The following TMEM43 variants were observed in gnomAD, a reference collection of about 807,000 sequenced individuals.
TMEM43 encodes the protein transmembrane protein 43.
Under a neutral mutation model 49.6 loss-of-function variants are expected in TMEM43, and 45 were observed. The ratio of observed to expected loss-of-function variants is 0.91; its 90% CI spans 0.71 to 1.16. The LOEUF is 1.16. TMEM43 is among the 50% of genes most tolerant of loss of function. TMEM43 has a pLI of 0.00. For missense variants in TMEM43, 532 were observed against 516.6 expected (o/e 1.03, Z -0.29); for synonymous variants, 199 against 207.8 (o/e 0.96, Z 0.36).
chr3:14,134,618 G>T, intron 7 of TMEM43, 152 bp from the exon 8 acceptor site: 1 of 1,039,128 alleles, frequency 9.6e-7, no homozygotes, highest in Non-Finnish European at 1.5e-6. Context: ...AGGGGAAGCC[G>T]TGGACGAGAC....
At position 14,141,809 on chromosome 3, in the gene TMEM43, C is replaced by G. The variant is rs1245864271; in HGVS notation, c.*14C>G. On this transcript the variant is annotated 3_prime_UTR_variant, in exon 12 of 12. Coordinates refer to ENST00000306077, the MANE Select transcript of TMEM43 (RefSeq NM_024334.3). Reference sequence around the variant, plus strand: ...AAGTTGGAGTGAAAAGACCCTGGCACCCGCCCGACACCTGCGTGAGCCCTA... The same window carrying G: ...AAGTTGGAGTGAAAAGACCCTGGCAGCCGCCCGACACCTGCGTGAGCCCTA... 6.2e-7 allele frequency: 1 copy of G among 1,609,942 alleles called. No individual in the cohort carries two copies. Among genetic ancestry groups the G allele is most frequent in the Admixed American group, 1.7e-5 (1 of 59,886 alleles).
chr3:14,137,966 G>C (rs1695191600), intron 10 of TMEM43: 1 of 152,204 alleles, frequency 6.6e-6, no homozygotes, highest in African/African-American at 2.4e-5. Context: ...CTGTAAAGTG[G>C]AGGTAAGTAT....
rs997497536 is a variant in TMEM43 at position 14,142,138 on chromosome 3, G to A, written c.*343G>A. On this transcript the variant is annotated 3_prime_UTR_variant, in exon 12 of 12. Transcript: ENST00000306077. ...AGCTGACAACGCAGACACGCTCTAC[G>A]GAGGCCTGCTGATAAAGGGCTCAGC... The A allele has an allele frequency of 2.7e-6, 1 of 364,958 alleles. No homozygotes were observed. Among genetic ancestry groups the A allele is most frequent in the Non-Finnish European group, 5.2e-6 (1 of 192,122 alleles). 22.6% of individuals were successfully genotyped at this position (364,958 alleles called of 1,614,324 possible).
chr3:14,131,541 T>G (rs1695095506), intron 3 of TMEM43, 39 bp from the exon 4 acceptor site: 1 of 1,574,350 alleles, frequency 6.4e-7, no homozygotes, highest in Non-Finnish European at 8.7e-7. Context: ...ACGTGAATGT[T>G]ATCCTTTATT....
rs998336547 is a variant in TMEM43, at chr3:14,139,363, A to G, written c.1000+66A>G. On this transcript the variant is annotated intron_variant, in intron 11 of 11. Transcript: ENST00000306077. ...TGAAAGGGCCTCCTCTGCCTGTCGCATCATCTCAGCCCTTCCAGCCTGATG... is the reference window on the plus strand; with the variant it reads ...TGAAAGGGCCTCCTCTGCCTGTCGCGTCATCTCAGCCCTTCCAGCCTGATG... The G allele has an allele frequency of 1.7e-5, 20 of 1,156,540 alleles. No homozygotes were observed. In the East Asian group the frequency reaches 1.9e-4, roughly 11 times the overall value. 71.6% of individuals were successfully genotyped at this position (1,156,540 alleles called of 1,614,324 possible). A position where few individuals can be genotyped will look rare whatever the true frequency, so the allele number is the denominator to read the frequency against.
At chr3:14,138,088 TGA>T (rs1429999565) in intron 10 of TMEM43, 1 of 152,192 alleles carries the variant, frequency 6.6e-6, no homozygotes, top group African/African-American at 2.4e-5. Context: ...TTACGGACTC[TGA>T]GAGAGGGCCC....
At chr3:14,130,192 A>T (rs1695074919) in intron 2 of TMEM43, among the ~76,000 whole-genome samples, 1 of 151,884 alleles carries the variant, frequency 6.6e-6, no homozygotes, top group Non-Finnish European at 1.5e-5. Context: ...CAGCAGTTAC[A>T]GGGCCATCTC....
chr3:14,128,620 C>T (rs937931648), intron 1 of TMEM43, among the ~76,000 whole-genome samples: 1 of 152,200 alleles, frequency 6.6e-6, no homozygotes, highest in African/African-American at 2.4e-5. Flanking sequence ...ACTTCTGACC[C>T]CACAAGGGCT....
intron 1 of TMEM43, among the ~76,000 whole-genome samples, chr3:14,126,358 A>G (rs1365827771): frequency 6.6e-6 from 1 of 152,194 alleles, no homozygotes; most frequent in Admixed American, 6.5e-5. Flanking sequence ...GTCTGCTCCC[A>G]TCACTACCAC....
intron 7 of TMEM43, 80 bp downstream of exon 7, chr3:14,133,889 T>C: frequency 2.4e-6 from 3 of 1,267,392 alleles, no homozygotes; most frequent in South Asian, 2.4e-5. Context: ...GTACTCAGCC[T>C]TCAGAGGGCT....
rs886058029 is a variant in TMEM43, at chr3:14,125,064, G to T, written c.-130G>T. On this transcript the variant is annotated 5_prime_UTR_variant, in exon 1 of 12. Transcript: ENST00000306077. ...GGGGGAGGTAACTGCAGTAAGTCCC[G>T]CTTGGCCCTGGAGTCCACGCGGATT... 2.4e-6 allele frequency: 3 copies of T among 1,230,338 alleles called. No homozygotes were observed. In the Admixed American group the frequency reaches 5.8e-5, roughly 24 times the overall value. The allele number at this position is 1,230,338 out of a possible 1,614,324, so 76.2% of individuals were successfully genotyped here.
intron 6 of TMEM43, 96 bp from the exon 7 acceptor site, chr3:14,133,643 C>T (rs1046292361): frequency 6.1e-6 from 7 of 1,147,054 alleles, no homozygotes; most frequent in African/African-American, 1.5e-5. Context: ...TTGCAGGAAC[C>T]CCCGGGTGGG....
intron 7 of TMEM43, 87 bp from the exon 8 acceptor site, chr3:14,134,683 T>A (rs1187557884): frequency 6.4e-7 from 1 of 1,571,660 alleles, no homozygotes; most frequent in Non-Finnish European, 8.7e-7. Context: ...GCTCCAGGGG[T>A]GCAGTGGAAG....
chr3:14,128,839 G>A, intron 1 of TMEM43: 1 of 421,848 alleles, frequency 2.4e-6, no homozygotes, highest in Non-Finnish European at 4.7e-6. Context: ...ATTCACAGCA[G>A]CATTATTCAT....
chr3:14,139,329 C>T, intron 11 of TMEM43, 32 bp downstream of exon 11: 1 of 1,478,562 alleles, frequency 6.8e-7, no homozygotes, highest in South Asian at 1.1e-5. Context: ...TGCCCTCCCT[C>T]CTGCACCCTG....
chr3:14,127,689 G>A (rs1695037899), intron 1 of TMEM43, among the ~76,000 whole-genome samples: 1 of 152,182 alleles, frequency 6.6e-6, no homozygotes, highest in South Asian at 2.1e-4. Flanking sequence ...TGTCATCATT[G>A]TGATGGTCAC....
chr3:14,141,686 C>T lies in TMEM43; in HGVS notation c.1094C>T (p.Ala365Val), dbSNP rs1052317732. The T allele has an allele frequency of 6.2e-6, 10 of 1,614,196 alleles. No homozygotes were observed. The highest frequency in any genetic ancestry group is 3.3e-5 in the South Asian group (3 of 91,082). ...VATSLTLLTV[A>V]AGWLFYRPLW... is the part of the protein sequence containing the mutation. Reference sequence around the variant, plus strand: ...ACCTCGCTGACCCTGCTGACCGTGGCGGCTGGCTGGCTCTTCTACCGACCC... The same window carrying T: ...ACCTCGCTGACCCTGCTGACCGTGGTGGCTGGCTGGCTCTTCTACCGACCC... The change falls in exon 12 of 12, where the codon GCG (alanine) becomes GTG (valine). Residue 365 changes from alanine (A) to valine (V), a missense_variant. Physicochemically the swap from Ala to Val is moderately conservative, Grantham distance 64. Transcript: ENST00000306077.
chr3:14,129,455 C>G lies in TMEM43; in HGVS notation c.56C>G (p.Thr19Ser), dbSNP rs759612558. The G allele has an allele frequency of 6.2e-7, 1 of 1,613,884 alleles. No individual in the cohort carries two copies. The highest frequency in any genetic ancestry group is 1.1e-5 in the South Asian group (1 of 91,086). Residue 19 changes from threonine (T) to serine (S), a missense_variant, in exon 2 of 12, where the codon ACC (threonine) becomes AGC (serine). Coordinates refer to ENST00000306077, the MANE Select transcript of TMEM43 (RefSeq NM_024334.3). ...STRREHVKVK[T>S]SSQPGFLERL... ...CGGAGAGAACATGTCAAAGTTAAAA[C>G]CAGCTCCCAGCCAGGCTTCCTGGAA...
chr3:14,132,800 G>T (rs1019702462), intron 5 of TMEM43, 66 bp from the exon 6 acceptor site: 2 of 1,514,478 alleles, frequency 1.3e-6, no homozygotes, highest in Non-Finnish European at 1.8e-6. Context: ...GGAGGAGCTG[G>T]GCTGGTGGGT....
Sources: gnomAD v4.1 joint callset for allele counts (sites outside exome capture counted in the v4.1 genomes callset) on GRCh38, gnomAD v4.1.1 for gene constraint, MANE v1.5 for transcripts, NCBI Gene and HGNC (gene_info 2026-07-23, HGNC 2026-07-21) for gene names.